Variants in RHPN2 observed in about 807,000 individuals in gnomAD.
The protein encoded by RHPN2 is rhophilin-2.
In RHPN2, 40 loss-of-function variants were observed where a neutral mutation model predicts 79.0. The ratio of observed to expected loss-of-function variants is 0.51; its 90% CI spans 0.39 to 0.66. The LOEUF (loss-of-function observed/expected upper bound fraction) is 0.66, where lower values mean the gene tolerates loss of function less well. Among genes scored for constraint, RHPN2 ranks in the 30% least tolerant of loss-of-function variants. The pLI is 0.00. For missense variants in RHPN2, 686 were observed against 883.5 expected (o/e 0.78, Z 2.83); for synonymous variants, 285 against 363.5 (o/e 0.78, Z 2.46).
intron 2 of RHPN2, among the ~76,000 whole-genome samples, chr19:33,037,304 G>C (rs1397160053): frequency 6.6e-6 from 1 of 152,124 alleles, no homozygotes; most frequent in Non-Finnish European, 1.5e-5. Context: ...GAACCTTTGT[G>C]TCTAGCTCAG....
At chr19:33,035,419 T>C (rs1972048418) in intron 2 of RHPN2, among the ~76,000 whole-genome samples, 1 of 152,192 alleles carries the variant, frequency 6.6e-6, no homozygotes, top group African/African-American at 2.4e-5. Flanking sequence ...TTTTTTTAAA[T>C]ACATTTCCAA....
chr19:33,044,851 GC>G (rs1282832044), intron 1 of RHPN2, among the ~76,000 whole-genome samples: 3 of 152,026 alleles, frequency 2.0e-5, no homozygotes, highest in Non-Finnish European at 4.4e-5. Context: ...CCGAGATTAT[GC>G]CACTGCACTC....
At chr19:33,050,453 A>G (rs1282776687) in intron 1 of RHPN2, among the ~76,000 whole-genome samples, 1 of 152,210 alleles carries the variant, frequency 6.6e-6, no homozygotes, top group Admixed American at 6.6e-5. Context: ...GAGTTTGAAC[A>G]AACATATAAA....
intron 3 of RHPN2, among the ~76,000 whole-genome samples, chr19:33,023,867 C>A (rs1971945509): frequency 6.6e-6 from 1 of 152,140 alleles, no homozygotes; most frequent in African/African-American, 2.4e-5. Flanking sequence ...GCACAGCTCT[C>A]CCTCTTCCCA....
At chr19:33,029,350 C>A (rs180740492) in intron 2 of RHPN2, among the ~76,000 whole-genome samples, 47 of 151,472 alleles carry the variant, frequency 3.1e-4, no homozygotes, top group African/African-American at 1.0e-3. Flanking sequence ...CATAGTGAAA[C>A]CCTGTCTCTA....
intron 14 of RHPN2, among the ~76,000 whole-genome samples, chr19:32,987,501 T>C (rs1381701213): frequency 6.6e-6 from 1 of 152,156 alleles, no homozygotes; most frequent in African/African-American, 2.4e-5. Flanking sequence ...TCTCCACCAC[T>C]CAACTGCATT....
intron 8 of RHPN2, 131 bp from the exon 9 acceptor site, chr19:33,002,534 A>T: frequency 9.0e-7 from 1 of 1,115,890 alleles, no homozygotes; most frequent in Non-Finnish European, 1.3e-6. Context: ...ATCTGGGAGC[A>T]ACTCCAAGAG....
intron 6 of RHPN2, among the ~76,000 whole-genome samples, chr19:33,011,137 T>C (rs1971832379): frequency 6.6e-6 from 1 of 152,084 alleles, no homozygotes; most frequent in Non-Finnish European, 1.5e-5. Flanking sequence ...GCTGAGTGAG[T>C]AGCTCATGCC....
At chr19:33,000,937 T>A (rs1261775863) in intron 9 of RHPN2, among the ~76,000 whole-genome samples, 1 of 152,184 alleles carries the variant, frequency 6.6e-6, no homozygotes, top group Non-Finnish European at 1.5e-5. Context: ...ACATCTTGTC[T>A]CACCTAATAG....
intron 9 of RHPN2, among the ~76,000 whole-genome samples, chr19:33,001,034 G>A (rs1263094741): frequency 6.6e-6 from 1 of 152,062 alleles, no homozygotes; most frequent in Non-Finnish European, 1.5e-5. Context: ...CAGGCCCTTC[G>A]TTTTCGTTTT....
chr19:32,991,771 C>T, intron 13 of RHPN2, 52 bp downstream of exon 13: 1 of 1,613,010 alleles, frequency 6.2e-7, no homozygotes, highest in Non-Finnish European at 8.5e-7. Flanking sequence ...ACCCTAAATT[C>T]AATCACCCAG....
At chr19:32,985,627 CA>C (rs2039952201) in intron 14 of RHPN2, among the ~76,000 whole-genome samples, 2 of 152,068 alleles carry the variant, frequency 1.3e-5, no homozygotes, top group South Asian at 2.1e-4. Context: ...TGTCTCAAAA[CA>C]AAAAACAAAC....
chr19:32,979,204 T>A lies in RHPN2; in HGVS notation c.*792A>T, dbSNP rs1971554788. 1 of 152,226 alleles carries A rather than the reference T, an allele frequency of 6.6e-6. No individual in the cohort carries two copies. The highest frequency in any genetic ancestry group is 6.6e-5 in the Admixed American group (1 of 15,262). The allele number at this position is 152,226 out of a possible 1,614,324, so 9.4% of individuals were successfully genotyped here. On this transcript the variant is annotated 3_prime_UTR_variant, in exon 15 of 15. Coordinates refer to ENST00000254260, the MANE Select transcript of RHPN2 (RefSeq NM_033103.5). ...AAACCTGAATCATTTACATCTTTAC[T>A]TTATAAAATGTAAAACTACTTTTTT... is the stretch of plus-strand genomic sequence containing the variant.
chr19:33,004,836 C>G (rs1971777699), intron 7 of RHPN2, among the ~76,000 whole-genome samples: 1 of 151,774 alleles, frequency 6.6e-6, no homozygotes, highest in Non-Finnish European at 1.5e-5. Flanking sequence ...ATCTGCCTGC[C>G]TCGGCCACTG....
At chr19:33,015,720 C>T (rs571295581) in intron 4 of RHPN2, among the ~76,000 whole-genome samples, 24 of 152,184 alleles carry the variant, frequency 1.6e-4, no homozygotes, top group Middle Eastern at 3.4e-3. Context: ...AGTCAATATT[C>T]TTCCTTTCTT....
At chr19:33,005,412 C>CAAAAAAA (rs766044835) in intron 7 of RHPN2, among the ~76,000 whole-genome samples, 1 of 62,726 alleles carries the variant, frequency 1.6e-5, no homozygotes, top group Non-Finnish European at 2.8e-5. Flanking sequence ...GATTCTGTCT[C>CAAAAAAA]AAAAAAAAAA....
chr19:33,041,790 A>G (rs572655459), intron 2 of RHPN2, among the ~76,000 whole-genome samples: 3 of 152,288 alleles, frequency 2.0e-5, no homozygotes, highest in East Asian at 3.9e-4. Context: ...TGATTTGTTT[A>G]CTTGTCTATA....
chr19:33,059,463 T>C (rs960668373), intron 1 of RHPN2, among the ~76,000 whole-genome samples: 2 of 151,844 alleles, frequency 1.3e-5, no homozygotes, highest in African/African-American at 4.8e-5. Context: ...CACGCCTTGC[T>C]CATTTTTTGT....
rs910999633 is a variant in RHPN2, at chr19:33,026,576, T to C, written c.242A>G (p.Asn81Ser). The C allele has an allele frequency of 2.5e-6, 4 of 1,608,800 alleles. No homozygotes were observed. The highest frequency in any genetic ancestry group is 4.5e-5 in the East Asian group (2 of 44,776). ...TTCCTTGAGCATCTGCAGGTCTGAGTTGACGAAGCTCAGCTCCAGCCGCAC... is the reference window on the plus strand; with the variant it reads ...TTCCTTGAGCATCTGCAGGTCTGAGCTGACGAAGCTCAGCTCCAGCCGCAC... ...EQVRLELSFV[N>S]SDLQMLKEEL... is the part of the protein sequence containing the mutation. Residue 81 changes from asparagine to serine, a missense_variant, in exon 3 of 15, where the codon AAC becomes AGC. Coordinates refer to ENST00000254260, the MANE Select transcript of RHPN2 (RefSeq NM_033103.5).
Sources: gnomAD v4.1 joint callset for allele counts (sites outside exome capture counted in the v4.1 genomes callset) on GRCh38, gnomAD v4.1.1 for gene constraint, MANE v1.5 for transcripts, NCBI Gene and HGNC (gene_info 2026-07-23, HGNC 2026-07-21) for gene names.